ZNF639: variants seen among roughly 807,000 people sequenced by gnomAD.
The protein encoded by ZNF639 is zinc finger amplified in esophageal squamous cell carcinomas 1.
Under a neutral mutation model 39.8 loss-of-function variants are expected in ZNF639, and 20 were observed. That is an observed-to-expected ratio of 0.50 (90% CI 0.35 to 0.73). The LOEUF (loss-of-function observed/expected upper bound fraction) is 0.73. Among genes scored for constraint, ZNF639 ranks in the 30% least tolerant of loss-of-function variants. The pLI, the probability that ZNF639 is intolerant of heterozygous loss-of-function variation, is 0.00. For synonymous variants in ZNF639, 176 were observed against 189.8 expected (o/e 0.93, Z 0.60); for missense variants, 477 against 566.2 (o/e 0.84, Z 1.60).
At chr3:179,331,896 G>T (rs905396464) in intron 4 of ZNF639, among the ~76,000 whole-genome samples, 2 of 151,504 alleles carry the variant, frequency 1.3e-5, no homozygotes, top group Non-Finnish European at 2.9e-5. Context: ...CCCTTGATAA[G>T]AAGTGATGAA....
Position 179,328,367 on chromosome 3 carries a change from T to C in ZNF639, c.58+16T>C, listed in dbSNP as rs1247458333. 1.9e-6 allele frequency: 3 copies of C among 1,553,300 alleles called. No individual in the cohort carries two copies. Among genetic ancestry groups the C allele is most frequent in the East Asian group, 2.3e-5 (1 of 44,010 alleles). On this transcript the variant is annotated intron_variant, in intron 3 of 5. Transcript: ENST00000496856. ...CGTTATTCAGGTCAGTGTATAATTA[T>C]TTTAAAGTTGGGTATGGATTAATTC... is the stretch of plus-strand genomic sequence containing the variant.
At chr3:179,328,242 GTTA>G (rs1727706212) in intron 2 of ZNF639, 38 bp from the exon 3 acceptor site, 4 of 1,152,246 alleles carry the variant, frequency 3.5e-6, no homozygotes, top group Non-Finnish European at 5.1e-6. Flanking sequence ...ATTAACAGTT[GTTA>G]TTTGTGACAT....
Position 179,334,601 on chromosome 3 carries a change from TGTG to T in ZNF639, c.*182_*184del. On this transcript the variant is annotated 3_prime_UTR_variant, in exon 6 of 6. Coordinates refer to ENST00000496856, the MANE Select transcript of ZNF639 (RefSeq NM_001303426.2). ...TTTCTGTATATAAATATATCTTTAATGTGGTATTTTCAATTGCGTGATAGTTTG... is the reference window on the plus strand; with the variant it reads ...TTTCTGTATATAAATATATCTTTAATGTATTTTCAATTGCGTGATAGTTTG... 2.5e-6 allele frequency: 1 copy of T among 394,276 alleles called. No homozygotes were observed. Among genetic ancestry groups the T allele is most frequent in the Non-Finnish European group, 4.4e-6 (1 of 227,454 alleles). 24.4% of individuals were successfully genotyped at this position (394,276 alleles called of 1,614,324 possible). A position where few individuals can be genotyped will look rare whatever the true frequency, so the allele number is the denominator to read the frequency against.
chr3:179,331,635 C>T (rs752183080), intron 4 of ZNF639, among the ~76,000 whole-genome samples: 6 of 151,862 alleles, frequency 4.0e-5, no homozygotes, highest in Admixed American at 1.3e-4. Flanking sequence ...ATTAGCTGGG[C>T]GTGGTGGTGC....
chr3:179,326,610 T>TC (rs1290897359), intron 1 of ZNF639, among the ~76,000 whole-genome samples: 1 of 152,022 alleles, frequency 6.6e-6, no homozygotes, highest in African/African-American at 2.4e-5. Context: ...TTTACTTTTT[T>TC]CTTTTTTTGT....
At chr3:179,324,150 T>G (rs1358037213) in intron 1 of ZNF639, among the ~76,000 whole-genome samples, 1 of 152,228 alleles carries the variant, frequency 6.6e-6, no homozygotes, top group East Asian at 1.9e-4. Context: ...TTAAACTCGT[T>G]AAAAATGGAG....
Position 179,336,899 on chromosome 3 carries a change from G to C in ZNF639, c.*2477G>C, listed in dbSNP as rs1028941237. The C allele has an allele frequency of 2.0e-5, 3 of 152,184 alleles. No homozygotes were observed. The highest frequency in any genetic ancestry group is 6.5e-5 in the Admixed American group (1 of 15,282). 9.4% of individuals were successfully genotyped at this position (152,184 alleles called of 1,614,324 possible). ...TTTTTGGAAAAACACCTTAAGTAAT[G>C]CCTTGGTTTGTTTGTTTTCTTTTAA... On this transcript the variant is annotated 3_prime_UTR_variant, in exon 6 of 6. Transcript: ENST00000496856.
At chr3:179,328,708 T>C (rs981165681) in intron 3 of ZNF639, among the ~76,000 whole-genome samples, 1 of 152,118 alleles carries the variant, frequency 6.6e-6, no homozygotes, top group African/African-American at 2.4e-5. Flanking sequence ...TTTTACATTA[T>C]TGGGGAAAAA....
rs1262765308 is a variant in ZNF639 at position 179,338,374 on chromosome 3, A to G, written c.*3952A>G. The G allele has an allele frequency of 6.6e-6, 1 of 152,198 alleles. No homozygotes were observed. The highest frequency in any genetic ancestry group is 1.9e-4 in the East Asian group (1 of 5,194). The allele number at this position is 152,198 out of a possible 1,614,324, so 9.4% of individuals were successfully genotyped here. Reference sequence around the variant, plus strand: ...ACATTTCCCTGTATTCCAGAAATTGAAAATGGTTGTTCACTAAAAAGCCTC... The same window carrying G: ...ACATTTCCCTGTATTCCAGAAATTGGAAATGGTTGTTCACTAAAAAGCCTC... On this transcript the variant is annotated 3_prime_UTR_variant, in exon 6 of 6. Coordinates refer to ENST00000496856, the MANE Select transcript of ZNF639 (RefSeq NM_001303426.2).
intron 4 of ZNF639, 109 bp from the exon 5 acceptor site, chr3:179,332,880 C>A: frequency 7.3e-7 from 1 of 1,377,814 alleles, no homozygotes; most frequent in Non-Finnish European, 9.5e-7. Flanking sequence ...AATCCAAGTC[C>A]TTAGTTCCTG....
intron 4 of ZNF639, among the ~76,000 whole-genome samples, chr3:179,331,878 A>G (rs1360642768): frequency 1.3e-5 from 2 of 152,116 alleles, no homozygotes; most frequent in Non-Finnish European, 2.9e-5. Context: ...TCATATTGAT[A>G]GTATGTACCC....
chr3:179,330,972 G>A (rs1727873529), intron 4 of ZNF639, among the ~76,000 whole-genome samples: 1 of 152,178 alleles, frequency 6.6e-6, no homozygotes, highest in Admixed American at 6.5e-5. Context: ...TAAAAGAAAT[G>A]ACACCCAGAA....
At chr3:179,328,949 G>T (rs1297152592) in intron 3 of ZNF639, among the ~76,000 whole-genome samples, 2 of 151,820 alleles carry the variant, frequency 1.3e-5, no homozygotes, top group Non-Finnish European at 2.9e-5. Context: ...CTAATTTTTT[G>T]TAGTGTTAAA....
At position 179,333,041 on chromosome 3, in the gene ZNF639, A is replaced by C. The variant is rs1276725574; in HGVS notation, c.222A>C (p.Gly74=). ...TSNDLPKFAD[G]IKARNRNQNY... is the part of the protein sequence containing the mutation. The stretch of plus-strand genomic sequence containing the variant: ...ATGACTTGCCAAAATTTGCAGATGG[A>C]ATCAAGGCCAGAAACAGAAATCAGA... The change falls in exon 5 of 6, where the codon GGA becomes GGC. Residue 74 remains glycine, a synonymous_variant. Transcript: ENST00000496856. 2 of 1,564,050 alleles carry C rather than the reference A, an allele frequency of 1.3e-6. No homozygotes were observed. The highest frequency in any genetic ancestry group is 1.7e-6 in the Non-Finnish European group (2 of 1,153,018).
chr3:179,328,067 TAAGA>T (rs1330021124), intron 2 of ZNF639: 4 of 383,120 alleles, frequency 1.0e-5, no homozygotes, highest in Non-Finnish European at 1.9e-5. Context: ...TTAACCTCCG[TAAGA>T]AAGAAAACAG....
intron 1 of ZNF639, 87 bp downstream of exon 1, chr3:179,323,378 G>A (rs909004889): frequency 2.0e-6 from 2 of 985,562 alleles, no homozygotes; most frequent in African/African-American, 3.5e-5. Flanking sequence ...ACGGGAGAGG[G>A]CGGGAGAGAC....
In ZNF639 at chr3:179,333,011, G is replaced by A. The variant is rs776156814; in HGVS notation, c.192G>A (p.Thr64=). 56 of 1,552,924 alleles carry A rather than the reference G, an allele frequency of 3.6e-5. No individual in the cohort carries two copies. Among genetic ancestry groups the A allele is most frequent in the East Asian group, 1.5e-4 (6 of 41,036 alleles). ...CAGATGATGATTCTGATACCGAGAC[G>A]TCAAATGACTTGCCAAAATTTGCAG... ...DNKDDDSDTE[T]SNDLPKFADG... is the part of the protein sequence containing the mutation. Residue 64 remains threonine (T), a synonymous_variant, in exon 5 of 6, where the codon ACG becomes ACA. Transcript: ENST00000496856.
rs1369338194 is a variant in ZNF639, at chr3:179,323,177, C to T, written c.-197C>T. The T allele has an allele frequency of 1.6e-5, 16 of 984,606 alleles. No homozygotes were observed. Among genetic ancestry groups the T allele is most frequent in the Non-Finnish European group, 1.9e-5 (16 of 829,742 alleles). The allele number at this position is 984,606 out of a possible 1,614,324, so 61.0% of individuals were successfully genotyped here. ...GCGTCCGGGAGCGCTAGGGCCGGAG[C>T]AGCGCTGCCCGCCGCCGTGCGTCCG... On this transcript the variant is annotated 5_prime_UTR_variant, in exon 1 of 6. Coordinates refer to ENST00000496856, the MANE Select transcript of ZNF639 (RefSeq NM_001303426.2).
upstream of ZNF639, chr3:179,322,955 T>C (rs957539099): frequency 6.1e-6 from 6 of 984,822 alleles, no homozygotes; most frequent in Admixed American, 1.2e-4. Flanking sequence ...CCAGGCCGCG[T>C]GTGCGGTGCG....
Sources: gnomAD v4.1 joint callset for allele counts (sites outside exome capture counted in the v4.1 genomes callset) on GRCh38, gnomAD v4.1.1 for gene constraint, MANE v1.5 for transcripts, NCBI Gene and HGNC (gene_info 2026-07-23, HGNC 2026-07-21) for gene names.